The following MPP7 variants were observed in gnomAD, a reference collection of about 807,000 sequenced individuals.
The protein encoded by MPP7 is MAGUK p55 subfamily member 7.
Under a neutral mutation model 76.5 loss-of-function variants are expected in MPP7, and 60 were observed. The ratio of observed to expected loss-of-function variants is 0.78; its 90% CI spans 0.64 to 0.97. The LOEUF (loss-of-function observed/expected upper bound fraction) is 0.97. MPP7 is among the 50% of genes least tolerant of loss of function. The probability of loss-of-function intolerance (pLI) is 0.00; values close to 1 mark genes in which losing one functional copy is unlikely to be tolerated. For missense variants in MPP7, 641 were observed against 694.0 expected, an observed-to-expected ratio of 0.92 and a Z score of 0.86; for synonymous variants, 237 against 244.5, an observed-to-expected ratio of 0.97 and a Z score of 0.29.
intron 11 of MPP7, among the ~76,000 whole-genome samples, chr10:28,101,688 T>A (rs1009673116): frequency 6.6e-6 from 1 of 152,152 alleles, no homozygotes; most frequent in African/African-American, 2.4e-5. Context: ...TGGTAAGTGA[T>A]GCTTTGTGAA....
At chr10:28,284,274 G>T (rs568062570) in intron 1 of MPP7, among the ~76,000 whole-genome samples, 1 of 152,286 alleles carries the variant, frequency 6.6e-6, no homozygotes, top group Admixed American at 6.5e-5. Context: ...GTTCCCAGGA[G>T]GGGTACACAA....
chr10:28,301,073 G>T (rs189655633), intron 1 of MPP7, among the ~76,000 whole-genome samples: 3 of 152,008 alleles, frequency 2.0e-5, no homozygotes, highest in East Asian at 1.9e-4. Context: ...TCATACAAGC[G>T]GCTACTCCCA....
intron 1 of MPP7, among the ~76,000 whole-genome samples, chr10:28,282,653 C>T (rs76675892): frequency 0.035 from 5,297 of 151,928 alleles, 219 homozygotes; most frequent in African/African-American, 0.078. Flanking sequence ...AGGACAGGAG[C>T]GTAAAGAAAA....
chr10:28,266,453 T>C (rs181297336), intron 1 of MPP7, among the ~76,000 whole-genome samples: 1 of 152,148 alleles, frequency 6.6e-6, no homozygotes, highest in Non-Finnish European at 1.5e-5. Flanking sequence ...CATGAAGAAT[T>C]AGAAAAAGTT....
intron 12 of MPP7, among the ~76,000 whole-genome samples, chr10:28,081,675 T>C (rs1052648336): frequency 5.3e-5 from 8 of 152,154 alleles, no homozygotes; most frequent in African/African-American, 1.9e-4. Flanking sequence ...AAAAATAATA[T>C]TTTGTATTTT....
chr10:28,279,602 G>A (rs1022849948), intron 1 of MPP7, among the ~76,000 whole-genome samples: 13 of 151,816 alleles, frequency 8.6e-5, no homozygotes, highest in Non-Finnish European at 2.9e-5. Flanking sequence ...CAACTCAGGA[G>A]GCCGAGGCAG....
intron 3 of MPP7, among the ~76,000 whole-genome samples, chr10:28,190,847 T>A (rs971082702): frequency 6.6e-6 from 1 of 151,092 alleles, no homozygotes; most frequent in Non-Finnish European, 1.5e-5. Context: ...ATCAACAAAA[T>A]CAAAAGCAAG....
chr10:28,332,967 T>C (rs1478293496), intron 1 of MPP7, among the ~76,000 whole-genome samples: 1 of 152,072 alleles, frequency 6.6e-6, no homozygotes, highest in African/African-American at 2.4e-5. Context: ...CTGGCCCTAT[T>C]TGCTTTGTAC....
intron 1 of MPP7, among the ~76,000 whole-genome samples, chr10:28,279,840 G>A (rs1035596252): frequency 5.3e-5 from 8 of 151,976 alleles, no homozygotes; most frequent in African/African-American, 1.9e-4. Context: ...CAATTTCTTA[G>A]TCTTAAAATG....
chr10:28,238,356 T>C (rs988140051), intron 2 of MPP7, among the ~76,000 whole-genome samples: 1 of 152,188 alleles, frequency 6.6e-6, no homozygotes, highest in African/African-American at 2.4e-5. Flanking sequence ...TATCTGCACA[T>C]GCCATCACTA....
chr10:28,275,467 C>T (rs188415721), intron 1 of MPP7, among the ~76,000 whole-genome samples: 16 of 150,366 alleles, frequency 1.1e-4, no homozygotes, highest in Non-Finnish European at 1.9e-4. Flanking sequence ...AGTGCAATGG[C>T]GCAATCTCCG....
At chr10:28,102,747 A>C (rs1042018047) in intron 11 of MPP7, among the ~76,000 whole-genome samples, 1 of 152,162 alleles carries the variant, frequency 6.6e-6, no homozygotes, top group African/African-American at 2.4e-5. Flanking sequence ...TACCATCAAA[A>C]TATATCCAGA....
chr10:28,114,786 A>C (rs559395183), intron 11 of MPP7, among the ~76,000 whole-genome samples: 1 of 152,338 alleles, frequency 6.6e-6, no homozygotes, highest in African/African-American at 2.4e-5. Flanking sequence ...CCCCAGGACA[A>C]AATACAAGAG....
intron 2 of MPP7, among the ~76,000 whole-genome samples, chr10:28,227,989 C>T (rs1324978808): frequency 3.3e-5 from 5 of 152,152 alleles, no homozygotes; most frequent in African/African-American, 1.2e-4. Context: ...TCTGTTGTTT[C>T]TTGACTTTTT....
intron 5 of MPP7, among the ~76,000 whole-genome samples, chr10:28,134,893 T>C (rs4279924): frequency 0.1 from 15,497 of 151,934 alleles, 1,312 homozygotes; most frequent in East Asian, 0.42. Context: ...TCAAAGTGCT[T>C]AGAAAAAATA....
chr10:28,211,453 ATAT>A (rs1838133177), intron 2 of MPP7, among the ~76,000 whole-genome samples: 1 of 151,182 alleles, frequency 6.6e-6, no homozygotes, highest in Non-Finnish European at 1.5e-5. Flanking sequence ...CCATATATAT[ATAT>A]ATATATAGAG....
intron 2 of MPP7, among the ~76,000 whole-genome samples, chr10:28,224,156 G>T (rs1049700798): frequency 5.3e-5 from 8 of 152,128 alleles, no homozygotes; most frequent in African/African-American, 1.9e-4. Context: ...CTGCACTCCA[G>T]CCTGGGCAAT....
chr10:28,225,995 C>A (rs1249874253), intron 2 of MPP7, among the ~76,000 whole-genome samples: 1 of 152,070 alleles, frequency 6.6e-6, no homozygotes, highest in Non-Finnish European at 1.5e-5. Context: ...CACATGTCCA[C>A]CAACTGATAA....
At chr10:28,247,143 T>C (rs1217073986) in intron 1 of MPP7, among the ~76,000 whole-genome samples, 1 of 152,194 alleles carries the variant, frequency 6.6e-6, no homozygotes, top group Non-Finnish European at 1.5e-5. Context: ...AAGTACTAAT[T>C]AATATTAAGT....
Sources: allele counts gnomAD v4.1 joint callset (sites outside exome capture counted in the v4.1 genomes callset), GRCh38; gene constraint gnomAD v4.1.1; transcripts MANE v1.5; gene names NCBI Gene and HGNC (gene_info 2026-07-23, HGNC 2026-07-21).